Variants in CLCA4 observed in about 807,000 individuals in gnomAD.
CLCA4 encodes the protein chloride channel accessory 4.
CLCA4 carries 69 observed loss-of-function variants against 78.9 expected under a neutral mutation model. The ratio of observed to expected loss-of-function variants is 0.87; its 90% CI spans 0.72 to 1.07. The LOEUF (loss-of-function observed/expected upper bound fraction) is 1.07, where lower values mean the gene tolerates loss of function less well. Among genes scored for constraint, CLCA4 ranks in the 50% least tolerant of loss-of-function variants. The pLI is 0.00. For synonymous variants in CLCA4, 362 were observed against 375.8 expected, an observed-to-expected ratio of 0.96 and a Z score of 0.42; for missense variants, 1,133 against 1,095.8, an observed-to-expected ratio of 1.03 and a Z score of -0.48.
chr1:86,548,106 A>G (rs564903669), intron 1 of CLCA4, among the ~76,000 whole-genome samples: 2 of 152,206 alleles, frequency 1.3e-5, no homozygotes, highest in Admixed American at 1.3e-4. Context: ...CCTTGTCAGC[A>G]CTTTTTTTGT....
intron 1 of CLCA4, among the ~76,000 whole-genome samples, chr1:86,550,030 C>T (rs1201663237): frequency 6.6e-6 from 1 of 152,178 alleles, no homozygotes; most frequent in Non-Finnish European, 1.5e-5. Context: ...AATTATTTTT[C>T]CCTCTCCCTG....
In CLCA4 at chr1:86,567,513, C is replaced by T. The variant is rs1265490903; in HGVS notation, c.1044C>T (p.His348=). 1 of 1,613,184 alleles carries T rather than the reference C, an allele frequency of 6.2e-7. No homozygotes were observed. The highest frequency in any genetic ancestry group is 1.1e-5 in the South Asian group (1 of 91,052). ...ATGGATCCTGGGTGGGGATGGTTCA[C>T]TTTGATAGTACTGCCACTATTGTAA... ...VENGSWVGMV[H]FDSTATIVNK... Residue 348 remains histidine (H), a synonymous_variant, in exon 7 of 14, where the codon CAC becomes CAT. Coordinates refer to ENST00000370563, the MANE Select transcript of CLCA4 (RefSeq NM_012128.4).
chr1:86,560,306 C>T lies in CLCA4; in HGVS notation c.396C>T (p.His132=). 6.2e-7 allele frequency: 1 copy of T among 1,613,992 alleles called. No homozygotes were observed. The highest frequency in any genetic ancestry group is 8.5e-7 in the Non-Finnish European group (1 of 1,179,890). Residue 132 remains histidine, a synonymous_variant, in exon 3 of 14, where the codon CAC becomes CAT. Coordinates refer to ENST00000370563, the MANE Select transcript of CLCA4 (RefSeq NM_012128.4). ...GTGGAGAGAAAGGCGAATACATTCACTTCACCCCTGACCTTCTACTTGGAA... is the reference window on the plus strand; with the variant it reads ...GTGGAGAGAAAGGCGAATACATTCATTTCACCCCTGACCTTCTACTTGGAA... ...TECGEKGEYI[H]FTPDLLLGKK...
intron 5 of CLCA4, 110 bp downstream of exon 5, chr1:86,565,561 C>CAAAGAACTCTA: frequency 1.2e-6 from 1 of 853,206 alleles, no homozygotes; most frequent in Non-Finnish European, 1.8e-6. Flanking sequence ...ATATAGAGTT[C>CAAAGAACTCTA]TTTGAACACT....
intron 1 of CLCA4, among the ~76,000 whole-genome samples, chr1:86,552,053 A>T (rs562728008): frequency 5.3e-5 from 8 of 152,330 alleles, no homozygotes; most frequent in African/African-American, 1.9e-4. Context: ...ACTGCAAAAA[A>T]AATCCCTTAT....
chr1:86,573,743 A>G (rs918093168), intron 9 of CLCA4, among the ~76,000 whole-genome samples: 2 of 152,094 alleles, frequency 1.3e-5, no homozygotes, highest in African/African-American at 4.8e-5. Context: ...GGTTGCCATC[A>G]TCGTTGACTG....
chr1:86,564,349 T>C (rs1297680300), intron 4 of CLCA4, among the ~76,000 whole-genome samples: 1 of 152,182 alleles, frequency 6.6e-6, no homozygotes, highest in African/African-American at 2.4e-5. Flanking sequence ...TTGACACTAA[T>C]GTGAGAACTG....
chr1:86,575,052 C>T (rs562126424), intron 10 of CLCA4, among the ~76,000 whole-genome samples: 2 of 152,066 alleles, frequency 1.3e-5, no homozygotes, highest in South Asian at 2.1e-4. Context: ...CTTATTCACC[C>T]TACCAGGATT....
At chr1:86,563,148 T>C (rs947592922) in intron 3 of CLCA4, among the ~76,000 whole-genome samples, 2 of 151,910 alleles carry the variant, frequency 1.3e-5, no homozygotes, top group Admixed American at 1.3e-4. Context: ...AAATTTTTTA[T>C]TTGAACTCCC....
rs1650629945 is a variant in CLCA4 at position 86,579,285 on chromosome 1, G to C, written c.2123-69G>C. On this transcript the variant is annotated intron_variant, in intron 12 of 13. Transcript: ENST00000370563. Reference sequence around the variant, plus strand: ...TTAGAAGGAAAAGACAAGTGAAGAAGGTGATTCACTGAATTATAATAAATA... The same window carrying C: ...TTAGAAGGAAAAGACAAGTGAAGAACGTGATTCACTGAATTATAATAAATA... 3 of 1,129,818 alleles carry C rather than the reference G, an allele frequency of 2.7e-6. No homozygotes were observed. In the South Asian group the frequency reaches 3.9e-5, roughly 15 times the overall value. The allele number at this position is 1,129,818 out of a possible 1,614,324, so 70.0% of individuals were successfully genotyped here. A position where few individuals can be genotyped will look rare whatever the true frequency, so the allele number is the denominator to read the frequency against.
In CLCA4 at chr1:86,580,426, T is replaced by C. The variant is rs1211642510; in HGVS notation, c.*81T>C. ...AAACAATGTAAGTAAAGGATATTTC[T>C]GAATCTTAAAATTCATCCCATGTGT... On this transcript the variant is annotated 3_prime_UTR_variant, in exon 14 of 14. Coordinates refer to ENST00000370563, the MANE Select transcript of CLCA4 (RefSeq NM_012128.4). The C allele has an allele frequency of 1.3e-5, 15 of 1,131,088 alleles. No homozygotes were observed. Among genetic ancestry groups the C allele is most frequent in the Non-Finnish European group, 1.7e-5 (14 of 833,142 alleles). The allele number at this position is 1,131,088 out of a possible 1,614,324, so 70.1% of individuals were successfully genotyped here.
rs367688540 is a variant in CLCA4, at chr1:86,560,016, G to A, written c.244G>A (p.Glu82Lys). ...CAAAAATGTATCTATATTAATTCCT[G>A]AGAATTGGAAGGAAAATCCTCAGTA... ...FFKNVSILIP[E>K]NWKENPQYKR... is the part of the protein sequence containing the mutation. Residue 82 changes from glutamate to lysine, a missense_variant, in exon 2 of 14, where the codon GAG (glutamate) becomes AAG (lysine). Transcript: ENST00000370563. 9.3e-6 allele frequency: 15 copies of A among 1,609,410 alleles called. No homozygotes were observed. The Admixed American group carries it at 1.2e-4, about 13-fold the overall frequency.
intron 11 of CLCA4, among the ~76,000 whole-genome samples, chr1:86,576,440 C>T (rs1010974260): frequency 1.3e-5 from 2 of 152,056 alleles, no homozygotes; most frequent in African/African-American, 4.8e-5. Flanking sequence ...ACCCCAGCCT[C>T]CCAAAGTGCT....
At chr1:86,566,254 T>C (rs1031823837) in intron 6 of CLCA4, among the ~76,000 whole-genome samples, 6 of 151,962 alleles carry the variant, frequency 3.9e-5, no homozygotes, top group African/African-American at 4.8e-5. Context: ...CTCCAGAAAA[T>C]GGACTGGGCT....
intron 10 of CLCA4, 76 bp from the exon 11 acceptor site, chr1:86,575,256 T>C (rs1650473955): frequency 8.2e-7 from 1 of 1,219,306 alleles, no homozygotes; most frequent in Non-Finnish European, 1.2e-6. Context: ...ATATAATTTA[T>C]TTTAGAATTA....
chr1:86,567,056 G>T (rs1418960365), intron 6 of CLCA4, among the ~76,000 whole-genome samples: 3 of 152,020 alleles, frequency 2.0e-5, no homozygotes, highest in East Asian at 1.9e-4. Flanking sequence ...ATAGGCTTGG[G>T]GGTATGGTTT....
chr1:86,572,672 T>G lies in CLCA4; in HGVS notation c.1419T>G (p.Phe473Leu). 3 of 1,609,580 alleles carry G rather than the reference T, an allele frequency of 1.9e-6. No individual in the cohort carries two copies. The highest frequency in any genetic ancestry group is 2.6e-6 in the Non-Finnish European group (3 of 1,176,298). ...AGAACAATGGCCTCATTGATGCTTT[T>G]GGGGCTCTTACATCAGGAAATACTG... ...EAQNNGLIDA[F>L]GALTSGNTDL... The change falls in exon 9 of 14, where the codon TTT becomes TTG. Residue 473 changes from phenylalanine to leucine, a missense_variant. Coordinates refer to ENST00000370563, the MANE Select transcript of CLCA4 (RefSeq NM_012128.4).
intron 11 of CLCA4, among the ~76,000 whole-genome samples, chr1:86,577,635 G>T (rs1650557894): frequency 6.6e-6 from 1 of 152,062 alleles, no homozygotes; most frequent in Non-Finnish European, 1.5e-5. Flanking sequence ...GGACAGAAAG[G>T]TGAAGTATTT....
rs376362705 is a variant in CLCA4 at position 86,547,088 on chromosome 1, A to G, written c.-32A>G. The G allele has an allele frequency of 2.0e-4, 311 of 1,582,270 alleles. No individual in the cohort carries two copies. Among genetic ancestry groups the G allele is most frequent in the Non-Finnish European group, 2.5e-4 (296 of 1,171,904 alleles). On this transcript the variant is annotated 5_prime_UTR_variant, in exon 1 of 14. Coordinates refer to ENST00000370563, the MANE Select transcript of CLCA4 (RefSeq NM_012128.4). The stretch of plus-strand genomic sequence containing the variant: ...AAAGAAAAGCCTCTTGAACAAACCA[A>G]CATTTGAGCCAGGAATAACTAGAGA...
Sources: gnomAD v4.1 joint callset for allele counts (sites outside exome capture counted in the v4.1 genomes callset) on GRCh38, gnomAD v4.1.1 for gene constraint, MANE v1.5 for transcripts, NCBI Gene and HGNC (gene_info 2026-07-23, HGNC 2026-07-21) for gene names.